AP1G1: variants seen among roughly 807,000 people sequenced by gnomAD.
AP1G1 encodes the protein AP-1 complex subunit gamma-1.
AP1G1 carries 7 observed loss-of-function variants against 108.3 expected under a neutral mutation model. The observed-to-expected ratio is 0.06, with a 90% CI of 0.04 to 0.12. The LOEUF (loss-of-function observed/expected upper bound fraction) is 0.12. AP1G1 is among the 10% of genes least tolerant of loss of function. AP1G1 has a pLI of 1.00. For synonymous variants in AP1G1, 379 were observed against 353.5 expected (o/e 1.07, Z -0.81); for missense variants, 756 against 1,010.7 (o/e 0.75, Z 3.42).
At chr16:71,744,159 G>A (rs921748818) in intron 19 of AP1G1, among the ~76,000 whole-genome samples, 11 of 151,788 alleles carry the variant, frequency 7.2e-5, no homozygotes, top group Non-Finnish European at 1.5e-4. Context: ...CAGAAGAATC[G>A]CTTGAACCCG....
Position 71,803,513 on chromosome 16 carries a change from GT to G in AP1G1, c.-4+5249del, listed in dbSNP as rs533339127. Among the ~76,000 whole-genome samples the G allele has an allele frequency of 1.9e-4, 29 of 151,914 alleles. No homozygotes were observed. In the East Asian group the frequency reaches 5.4e-3, roughly 28 times the overall value. ...CTGACTCAACACATTTGGCAAGTGA[GT>G]TTTTTTTCTCCCACTTCTGGACCCT... On this transcript the variant is annotated intron_variant, in intron 1 of 22. Coordinates refer to ENST00000299980, the MANE Select transcript of AP1G1 (RefSeq NM_001128.6).
At chr16:71,764,239 C>G (rs2031224038) in intron 9 of AP1G1, 111 bp downstream of exon 9, 1 of 603,798 alleles carries the variant, frequency 1.7e-6, no homozygotes. Flanking sequence ...TTGCATCATT[C>G]TTTCTTAAAG....
At chr16:71,758,535 C>T in intron 11 of AP1G1, 1 of 583,502 alleles carries the variant, frequency 1.7e-6, no homozygotes, top group South Asian at 1.4e-5. Context: ...TTATCTGTGC[C>T]TGTTGTATTT....
chr16:71,781,860 C>T (rs912916318), intron 2 of AP1G1, among the ~76,000 whole-genome samples: 1 of 152,156 alleles, frequency 6.6e-6, no homozygotes, highest in Non-Finnish European at 1.5e-5. Flanking sequence ...GAGGCTTGAT[C>T]AAATTCAGAC....
intron 2 of AP1G1, among the ~76,000 whole-genome samples, chr16:71,787,492 C>T (rs60750871): frequency 6.6e-6 from 1 of 151,982 alleles, no homozygotes; most frequent in Admixed American, 6.6e-5. Flanking sequence ...CTAAAAACAA[C>T]AAAAAAAGAA....
chr16:71,764,056 C>T (rs1480912933), intron 9 of AP1G1, among the ~76,000 whole-genome samples: 2 of 152,124 alleles, frequency 1.3e-5, no homozygotes, highest in African/African-American at 2.4e-5. Context: ...TTACAGTGGA[C>T]AGACCCAGCA....
chr16:71,759,546 G>A (rs1246347192), intron 10 of AP1G1, among the ~76,000 whole-genome samples: 2 of 151,890 alleles, frequency 1.3e-5, no homozygotes, highest in African/African-American at 4.8e-5. Context: ...GGATCAAGAG[G>A]TCAGGAGATT....
At chr16:71,782,485 A>ATTT (rs1006873120) in intron 2 of AP1G1, among the ~76,000 whole-genome samples, 2 of 149,910 alleles carry the variant, frequency 1.3e-5, no homozygotes, top group African/African-American at 4.9e-5. Flanking sequence ...TATTATTATT[A>ATTT]TTATTTTTAT....
intron 21 of AP1G1, among the ~76,000 whole-genome samples, chr16:71,736,593 TA>T (rs1446393324): frequency 6.1e-4 from 88 of 143,744 alleles, no homozygotes; most frequent in African/African-American, 2.0e-3. Context: ...TTTATTTATT[TA>T]TTTATTTTTT....
intron 2 of AP1G1, among the ~76,000 whole-genome samples, chr16:71,789,029 T>TTA (rs1482851541): frequency 6.6e-6 from 1 of 152,190 alleles, no homozygotes; most frequent in Non-Finnish European, 1.5e-5. Context: ...TGGTCAATCT[T>TTA]TAAGCAAGCT....
At chr16:71,780,406 C>G (rs1282119981) in intron 2 of AP1G1, among the ~76,000 whole-genome samples, 2 of 151,230 alleles carry the variant, frequency 1.3e-5, no homozygotes, top group African/African-American at 4.9e-5. Flanking sequence ...GCACCAGGAT[C>G]GCTTGAGCCT....
chr16:71,794,477 T>C (rs953174247), intron 1 of AP1G1, among the ~76,000 whole-genome samples: 5 of 152,164 alleles, frequency 3.3e-5, no homozygotes, highest in Non-Finnish European at 7.4e-5. Flanking sequence ...ACACGGATTA[T>C]AGATTAATGT....
chr16:71,780,486 GTC>G (rs1295109747), intron 2 of AP1G1, among the ~76,000 whole-genome samples: 3 of 126,052 alleles, frequency 2.4e-5, no homozygotes, highest in Non-Finnish European at 4.8e-5. Flanking sequence ...GTAAGATCCT[GTC>G]TCTTAATTTA....
chr16:71,770,722 G>A (rs1417516896), intron 5 of AP1G1, among the ~76,000 whole-genome samples: 2 of 152,120 alleles, frequency 1.3e-5, no homozygotes, highest in African/African-American at 4.8e-5. Flanking sequence ...TGCCCACCTT[G>A]GCCTCCCAAA....
intron 2 of AP1G1, among the ~76,000 whole-genome samples, chr16:71,779,278 T>G (rs776711735): frequency 3.0e-4 from 45 of 147,628 alleles, no homozygotes; most frequent in Non-Finnish European, 1.2e-4. Context: ...AATATTCTGA[T>G]GGAGTAAATT....
Position 71,808,765 on chromosome 16 carries a change from G to A in AP1G1, c.-6C>T, listed in dbSNP as rs947137010. On this transcript the variant is annotated splice_region_variant and 5_prime_UTR_variant, in exon 1 of 23. Coordinates refer to ENST00000299980, the MANE Select transcript of AP1G1 (RefSeq NM_001128.6). ...TCAGCGCCGGGAGTGACACTCACCGGCCCGAAACCTCGAATGAAACCAGCA... is the reference window on the plus strand; with the variant it reads ...TCAGCGCCGGGAGTGACACTCACCGACCCGAAACCTCGAATGAAACCAGCA... 1.3e-5 allele frequency: 17 copies of A among 1,289,306 alleles called. No homozygotes were observed. Among genetic ancestry groups the A allele is most frequent in the Non-Finnish European group, 1.7e-5 (17 of 988,650 alleles). 79.9% of individuals were successfully genotyped at this position (1,289,306 alleles called of 1,614,324 possible).
At chr16:71,806,839 T>C in intron 1 of AP1G1, 1 of 467,264 alleles carries the variant, frequency 2.1e-6, no homozygotes, top group South Asian at 2.0e-5. Context: ...GATCACTGAG[T>C]ATTTAAACTG....
intron 13 of AP1G1, 77 bp from the exon 14 acceptor site, chr16:71,750,409 G>C: frequency 6.5e-7 from 1 of 1,547,282 alleles, no homozygotes; most frequent in South Asian, 1.1e-5. Context: ...TATTATTACT[G>C]TGTGTTTTTT....
Position 71,739,229 on chromosome 16 carries a change from C to T in AP1G1, c.2107+5G>A, listed in dbSNP as rs769005758. The T allele has an allele frequency of 1.3e-5, 21 of 1,611,970 alleles. 1 individual carries two copies. Among genetic ancestry groups the T allele is most frequent in the South Asian group, 7.7e-5 (7 of 90,886 alleles). ...ATGTAATGATGGTAACAACAGTCAT[C>T]GTACCTGCAGCAATATCATTGAAGA... On this transcript the variant is annotated splice_donor_5th_base_variant and intron_variant, in intron 20 of 22. Coordinates refer to ENST00000299980, the MANE Select transcript of AP1G1 (RefSeq NM_001128.6).
Sources: allele counts gnomAD v4.1 joint callset (sites outside exome capture counted in the v4.1 genomes callset), GRCh38; gene constraint gnomAD v4.1.1; transcripts MANE v1.5; gene names NCBI Gene and HGNC (gene_info 2026-07-23, HGNC 2026-07-21).